AGMO: variants seen among roughly 807,000 people sequenced by gnomAD.
The protein encoded by AGMO is alkylglycerol monooxygenase.
Under a neutral mutation model 60.2 loss-of-function variants are expected in AGMO, and 75 were observed. That is an observed-to-expected ratio of 1.25 (90% confidence interval 1.03 to 1.51). The LOEUF is 1.51. Among genes scored for constraint, AGMO ranks in the 40% most tolerant of loss-of-function variants. The pLI is 0.00. For synonymous variants in AGMO, 261 were observed against 177.1 expected, an observed-to-expected ratio of 1.47 and a Z score of -3.76; for missense variants, 763 against 525.5, an observed-to-expected ratio of 1.45 and a Z score of -4.42.
the AGMO span, among the ~76,000 whole-genome samples, chr7:15,132,510 T>G: frequency 1.3e-5 from 2 of 152,160 alleles, no homozygotes; most frequent in African/African-American, 4.8e-5. Flanking sequence ...CAAACCTCAG[T>G]GCTTTTTCTC....
intron 12 of AGMO, among the ~76,000 whole-genome samples, chr7:15,215,847 G>A (rs1295747654): frequency 3.3e-5 from 5 of 151,962 alleles, no homozygotes; most frequent in Non-Finnish European, 7.4e-5. Context: ...ATGACAATCA[G>A]TTTTTCTCTA....
chr7:15,128,198 C>G, the AGMO span, among the ~76,000 whole-genome samples: 1 of 151,996 alleles, frequency 6.6e-6, no homozygotes. Context: ...ACAGGTGGCA[C>G]CAATCCAAAC....
intron 3 of AGMO, among the ~76,000 whole-genome samples, chr7:15,452,304 C>A (rs1781876106): frequency 6.6e-6 from 1 of 151,806 alleles, no homozygotes; most frequent in South Asian, 2.1e-4. Context: ...AAACAATCCA[C>A]AGAATAGAAG....
the AGMO span, among the ~76,000 whole-genome samples, chr7:15,165,968 T>C: frequency 6.6e-6 from 1 of 152,146 alleles, no homozygotes; most frequent in Non-Finnish European, 1.5e-5. Flanking sequence ...TATGTAAATA[T>C]TCATATGAAA....
intron 3 of AGMO, among the ~76,000 whole-genome samples, chr7:15,511,072 AC>A (rs1458568169): frequency 6.6e-6 from 1 of 152,126 alleles, no homozygotes; most frequent in Non-Finnish European, 1.5e-5. Flanking sequence ...TTTAAGAAAG[AC>A]TAATAGTAAA....
At chr7:15,147,393 C>G in the AGMO span, among the ~76,000 whole-genome samples, 1 of 152,174 alleles carries the variant, frequency 6.6e-6, no homozygotes, top group South Asian at 2.1e-4. Context: ...AAAGGGACAT[C>G]TTACATGGTG....
At chr7:15,522,896 G>A (rs6956382) in intron 3 of AGMO, among the ~76,000 whole-genome samples, 113,130 of 152,066 alleles carry the variant, frequency 0.74, 42,636 homozygotes, top group East Asian at 0.97. Context: ...AACTATCATC[G>A]GCATGAACAG....
intron 1 of AGMO, among the ~76,000 whole-genome samples, chr7:15,560,793 A>G (rs1785283167): frequency 6.6e-6 from 1 of 152,166 alleles, no homozygotes; most frequent in Non-Finnish European, 1.5e-5. Flanking sequence ...TTAAAACATG[A>G]TTCAGATTTT....
At chr7:15,149,835 C>T in the AGMO span, among the ~76,000 whole-genome samples, 5 of 151,846 alleles carry the variant, frequency 3.3e-5, no homozygotes, top group South Asian at 4.1e-4. Flanking sequence ...AATAGTTTTC[C>T]TTAATTCTGT....
Position 15,354,359 on chromosome 7 carries a change from T to TGTATACACACGCGTGTATACAGACGC in AGMO, c.1263+11154_1263+11155insGCGTCTGTATACACGCGTGTGTATAC, listed in dbSNP as rs1486435481. ...GTATATACACGCGTGTATATAGACG[T>TGTATACACACGCGTGTATACAGACGC]GTGTATATAGACGTGTGTATACACG... On this transcript the variant is annotated intron_variant, in intron 12 of 12. Transcript: ENST00000342526. Among the ~76,000 whole-genome samples the TGTATACACACGCGTGTATACAGACGC allele has an allele frequency of 1.7e-4, 10 of 59,500 alleles. 3 individuals are homozygous for TGTATACACACGCGTGTATACAGACGC. Among genetic ancestry groups the TGTATACACACGCGTGTATACAGACGC allele is most frequent in the Non-Finnish European group, 3.0e-4 (10 of 33,608 alleles). The allele number at this position is 59,500 out of a possible 152,430, so 39.0% of individuals were successfully genotyped here.
At chr7:15,497,181 T>C (rs972322154) in intron 3 of AGMO, among the ~76,000 whole-genome samples, 1 of 152,110 alleles carries the variant, frequency 6.6e-6, no homozygotes, top group African/African-American at 2.4e-5. Flanking sequence ...ATTTGACACA[T>C]TTAGTTCTCA....
the AGMO span, among the ~76,000 whole-genome samples, chr7:15,156,695 A>C: frequency 6.6e-6 from 1 of 152,142 alleles, no homozygotes. Context: ...AACCACATGC[A>C]GTGTTGGTAG....
At chr7:15,317,990 A>T (rs1338241355) in intron 12 of AGMO, among the ~76,000 whole-genome samples, 1 of 147,910 alleles carries the variant, frequency 6.8e-6, no homozygotes, top group Non-Finnish European at 1.5e-5. Context: ...ATATATATAT[A>T]CACGTATATA....
At chr7:15,217,303 G>C (rs565345289) in intron 12 of AGMO, among the ~76,000 whole-genome samples, 23 of 152,170 alleles carry the variant, frequency 1.5e-4, no homozygotes, top group African/African-American at 5.3e-4. Flanking sequence ...AATCTCAACT[G>C]AGGAGGAGTT....
chr7:15,318,100 G>A (rs1343475533), intron 12 of AGMO, among the ~76,000 whole-genome samples: 1 of 151,060 alleles, frequency 6.6e-6, no homozygotes, highest in Non-Finnish European at 1.5e-5. Context: ...CTGCCTCTGG[G>A]GTTCAAACAA....
intron 12 of AGMO, among the ~76,000 whole-genome samples, chr7:15,304,042 G>A (rs929541191): frequency 6.6e-6 from 1 of 152,104 alleles, no homozygotes; most frequent in Admixed American, 6.6e-5. Context: ...ACTTGTGTTA[G>A]TTCAATTTTC....
Position 15,483,886 on chromosome 7 carries a change from A to G in AGMO, c.410-52778T>C, listed in dbSNP as rs146715580. On this transcript the variant is annotated intron_variant, in intron 3 of 12. Transcript: ENST00000342526. ...CATTCCAACAAAAAAGAAAAATAAA[A>G]GTTAGAGAACCTAACCTACCTAATA... 7.3e-3 allele frequency among the ~76,000 whole-genome samples: 1,109 copies of G among 152,326 alleles called. 18 individuals carry two copies. Among genetic ancestry groups the G allele is most frequent in the African/African-American group, 0.025 (1,047 of 41,586 alleles).
chr7:15,258,273 G>T (rs1458414552), intron 12 of AGMO, among the ~76,000 whole-genome samples: 1 of 152,020 alleles, frequency 6.6e-6, no homozygotes, highest in East Asian at 1.9e-4. Context: ...AAAGATAATT[G>T]TTTTTTAATT....
chr7:15,268,512 T>A (rs112665716), intron 12 of AGMO, among the ~76,000 whole-genome samples: 1 of 151,966 alleles, frequency 6.6e-6, no homozygotes, highest in South Asian at 2.1e-4. Context: ...ATATTTATTG[T>A]TTAGTTGTGA....
Sources: gnomAD v4.1 joint callset for allele counts (sites outside exome capture counted in the v4.1 genomes callset) on GRCh38, gnomAD v4.1.1 for gene constraint, MANE v1.5 for transcripts, NCBI Gene and HGNC (gene_info 2026-07-23, HGNC 2026-07-21) for gene names.